The following VPS54 variants were observed in gnomAD, a reference collection of about 807,000 sequenced individuals.
VPS54 encodes vacuolar protein sorting-associated protein 54.
A neutral mutation model predicts 121.5 loss-of-function variants in VPS54; 45 were observed. The ratio of observed to expected loss-of-function variants is 0.37; its 90% CI spans 0.29 to 0.47. The LOEUF is 0.47. Among genes scored for constraint, VPS54 ranks in the 20% least tolerant of loss-of-function variants. The probability of loss-of-function intolerance (pLI) is 0.99; values close to 1 mark genes in which losing one functional copy is unlikely to be tolerated. For synonymous variants in VPS54, 371 were observed against 385.8 expected (o/e 0.96, Z 0.45); for missense variants, 1,090 against 1,131.4 (o/e 0.96, Z 0.52).
At chr2:63,935,700 A>G (rs1293600189) in intron 11 of VPS54, among the ~76,000 whole-genome samples, 2 of 152,098 alleles carry the variant, frequency 1.3e-5, no homozygotes, top group Admixed American at 1.3e-4. Flanking sequence ...CTCCTTGCCT[A>G]ATGTTTAGCT....
chr2:63,904,696 A>G (rs1033587153), intron 20 of VPS54, among the ~76,000 whole-genome samples: 1 of 152,052 alleles, frequency 6.6e-6, no homozygotes, highest in Non-Finnish European at 1.5e-5. Context: ...ACCAACCAAC[A>G]CCACTTAGTT....
chr2:63,984,052 C>T, intron 1 of VPS54, 33 bp from the exon 2 acceptor site: 1 of 1,506,316 alleles, frequency 6.6e-7, no homozygotes, highest in Non-Finnish European at 8.9e-7. Flanking sequence ...AATTAAGACA[C>T]CGCAAATCAA....
chr2:63,992,807 AGTTATT>A (rs1677391689), intron 1 of VPS54, among the ~76,000 whole-genome samples: 1 of 152,190 alleles, frequency 6.6e-6, no homozygotes, highest in Non-Finnish European at 1.5e-5. Flanking sequence ...GGCCTCTCAT[AGTTATT>A]GATTTTTTTA....
rs148172760 is a variant in VPS54 at position 63,983,616 on chromosome 2, G to A, written c.136+248C>T. Among the ~76,000 whole-genome samples, 818 of 150,976 alleles carry A rather than the reference G, an allele frequency of 5.4e-3. 1 individual carries two copies. The highest frequency in any genetic ancestry group is 9.6e-3 in the Non-Finnish European group (651 of 67,814). On this transcript the variant is annotated intron_variant, in intron 2 of 22. Transcript: ENST00000272322. Reference sequence around the variant, plus strand: ...TGCCACCACACCCGGCTAATTTTTTGTAGTTTTAGTAGAGACAGGGTTTCA... The same window carrying A: ...TGCCACCACACCCGGCTAATTTTTTATAGTTTTAGTAGAGACAGGGTTTCA...
intron 11 of VPS54, among the ~76,000 whole-genome samples, chr2:63,940,611 T>C (rs930241933): frequency 1.3e-5 from 2 of 152,110 alleles, no homozygotes; most frequent in Non-Finnish European, 2.9e-5. Flanking sequence ...GAAAAAAACA[T>C]TGAAGGAAAT....
intron 17 of VPS54, 21 bp downstream of exon 17, chr2:63,914,161 A>G (rs1410212093): frequency 4.4e-6 from 7 of 1,589,444 alleles, no homozygotes; most frequent in African/African-American, 2.7e-5. Context: ...TTTTTCCATA[A>G]TGGAGTGAAG....
intron 11 of VPS54, among the ~76,000 whole-genome samples, chr2:63,939,240 C>CG (rs1553475379): frequency 6.6e-6 from 1 of 151,984 alleles, no homozygotes; most frequent in Non-Finnish European, 1.5e-5. Flanking sequence ...GACATGGTGG[C>CG]GTGCGCCTAT....
intron 3 of VPS54, among the ~76,000 whole-genome samples, chr2:63,976,695 A>G (rs1358218268): frequency 6.6e-6 from 1 of 151,908 alleles, no homozygotes; most frequent in Non-Finnish European, 1.5e-5. Context: ...AAATTGGTCC[A>G]TTTCACCTAG....
intron 1 of VPS54, among the ~76,000 whole-genome samples, chr2:64,004,966 C>G (rs1041395970): frequency 2.0e-5 from 3 of 151,502 alleles, no homozygotes; most frequent in African/African-American, 7.3e-5. Flanking sequence ...TTTGTAGAGA[C>G]GAGGTCTCAC....
intron 2 of VPS54, among the ~76,000 whole-genome samples, chr2:63,983,153 ATT>A (rs36020182): frequency 2.1e-4 from 30 of 144,384 alleles, no homozygotes; most frequent in East Asian, 6.0e-4. Flanking sequence ...TTTCCAAATG[ATT>A]TTTTTTTTTT....
Position 63,912,381 on chromosome 2 carries a change from C to A in VPS54, c.2589G>T (p.Ala863=). ...HIAEISAKLV[A]IMDSLFDKLL... is the part of the protein sequence containing the mutation. Reference sequence around the variant, plus strand: ...GCTTGTCAAATAAGCTATCCATTATCGCTACAAGCTTAGCTGATATTTCAG... The same window carrying A: ...GCTTGTCAAATAAGCTATCCATTATAGCTACAAGCTTAGCTGATATTTCAG... Residue 863 remains alanine (A), a synonymous_variant, in exon 20 of 23, where the codon GCG becomes GCT. Coordinates refer to ENST00000272322, the MANE Select transcript of VPS54 (RefSeq NM_016516.3). The A allele has an allele frequency of 6.2e-7, 1 of 1,611,502 alleles. No homozygotes were observed. Among genetic ancestry groups the A allele is most frequent in the Non-Finnish European group, 8.5e-7 (1 of 1,178,544 alleles).
chr2:63,938,652 A>C (rs1192311873), intron 11 of VPS54, among the ~76,000 whole-genome samples: 1 of 152,110 alleles, frequency 6.6e-6, no homozygotes, highest in African/African-American at 2.4e-5. Context: ...ATTAGTAGAG[A>C]TGGGGTTTCA....
intron 21 of VPS54, among the ~76,000 whole-genome samples, chr2:63,898,146 G>T (rs1672521921): frequency 6.6e-6 from 1 of 152,152 alleles, no homozygotes; most frequent in African/African-American, 2.4e-5. Context: ...TGGCAATAGT[G>T]ACATAAAATA....
chr2:63,926,343 T>C (rs942992684), intron 12 of VPS54, among the ~76,000 whole-genome samples: 1 of 152,210 alleles, frequency 6.6e-6, no homozygotes, highest in Admixed American at 6.5e-5. Context: ...CCCTAACTAG[T>C]AAATGTGAAA....
At chr2:63,968,892 G>T in intron 5 of VPS54, 65 bp downstream of exon 5, 2 of 1,400,638 alleles carry the variant, frequency 1.4e-6, no homozygotes, top group Non-Finnish European at 2.0e-6. Flanking sequence ...AATGAAATCT[G>T]CTTGTAAGGC....
intron 16 of VPS54, 101 bp from the exon 17 acceptor site, chr2:63,914,388 T>G: frequency 2.6e-6 from 2 of 763,636 alleles, no homozygotes; most frequent in Non-Finnish European, 4.4e-6. Flanking sequence ...AAAGGATCTC[T>G]GAGAATATAA....
At chr2:63,983,153 AT>A (rs36020182) in intron 2 of VPS54, among the ~76,000 whole-genome samples, 32,828 of 144,094 alleles carry the variant, frequency 0.23, 3,383 homozygotes, top group Non-Finnish European at 0.25. Flanking sequence ...TTTCCAAATG[AT>A]TTTTTTTTTT....
chr2:64,003,458 T>C (rs951513185), intron 1 of VPS54, among the ~76,000 whole-genome samples: 2 of 152,204 alleles, frequency 1.3e-5, no homozygotes, highest in African/African-American at 2.4e-5. Context: ...GCATCAATCA[T>C]ACTGAGGTTT....
At chr2:63,994,366 C>T (rs886099394) in intron 1 of VPS54, among the ~76,000 whole-genome samples, 1 of 152,152 alleles carries the variant, frequency 6.6e-6, no homozygotes, top group Non-Finnish European at 1.5e-5. Flanking sequence ...GATTTACCGG[C>T]TACACAAAAT....
Sources: allele counts gnomAD v4.1 joint callset (sites outside exome capture counted in the v4.1 genomes callset), GRCh38; gene constraint gnomAD v4.1.1; transcripts MANE v1.5; gene names NCBI Gene and HGNC (gene_info 2026-07-23, HGNC 2026-07-21).